Variants in SCFD2 observed in about 807,000 individuals in gnomAD.
SCFD2 encodes the protein sec1 family domain-containing protein 2.
SCFD2 carries 54 observed loss-of-function variants against 58.9 expected under a neutral mutation model. The ratio of observed to expected loss-of-function variants is 0.92; its 90% CI spans 0.74 to 1.15. The LOEUF is 1.15. Among genes scored for constraint, SCFD2 ranks in the 50% most tolerant of loss-of-function variants. SCFD2 has a pLI of 0.00. For synonymous variants in SCFD2, 321 were observed against 335.9 expected (o/e 0.96, Z 0.49); for missense variants, 805 against 836.6 (o/e 0.96, Z 0.47).
intron 7 of SCFD2, among the ~76,000 whole-genome samples, chr4:52,904,975 A>G (rs1719311842): frequency 6.6e-6 from 1 of 152,242 alleles, no homozygotes; most frequent in Non-Finnish European, 1.5e-5. Flanking sequence ...TAGGACCTAC[A>G]TTCTAAGGCT....
At chr4:53,084,902 C>A (rs1401544561) in intron 5 of SCFD2, among the ~76,000 whole-genome samples, 1 of 152,100 alleles carries the variant, frequency 6.6e-6, no homozygotes, top group Non-Finnish European at 1.5e-5. Context: ...CAATAAAAGC[C>A]ATATATGCCA....
intron 5 of SCFD2, among the ~76,000 whole-genome samples, chr4:53,101,911 G>C (rs1357919165): frequency 6.6e-6 from 1 of 151,966 alleles, no homozygotes; most frequent in Non-Finnish European, 1.5e-5. Flanking sequence ...TACTACACAT[G>C]AATTTTCACA....
chr4:53,145,449 G>C lies in SCFD2; in HGVS notation c.1445C>G (p.Thr482Ser). The change falls in exon 5 of 9, where the codon ACT (threonine) becomes AGT (serine). Residue 482 changes from threonine (T) to serine (S), a missense_variant. This residue lies in a region of SCFD2 where 633 missense variants were observed against 646.8 expected (regional missense o/e 0.98). Coordinates refer to ENST00000401642, the MANE Select transcript of SCFD2 (RefSeq NM_152540.4). ...LILLIYIYSV[T>S]GELTVDKDLC... ...GTCTTTGTCTACCGTGAGCTCTCCA[G>C]TGACAGAATAAATATATATGAGAAG... The C allele has an allele frequency of 6.2e-7, 1 of 1,614,098 alleles. No individual in the cohort carries two copies.
intron 5 of SCFD2, among the ~76,000 whole-genome samples, chr4:52,972,310 G>C (rs971993639): frequency 5.9e-5 from 9 of 152,146 alleles, no homozygotes; most frequent in East Asian, 1.9e-4. Flanking sequence ...CAAAATAAAG[G>C]GATGGAGGAA....
At chr4:53,146,352 A>G (rs748582082) in intron 4 of SCFD2, among the ~76,000 whole-genome samples, 2 of 152,248 alleles carry the variant, frequency 1.3e-5, no homozygotes, top group Non-Finnish European at 2.9e-5. Flanking sequence ...TTTGGTGGAT[A>G]CAGAAATCCT....
chr4:52,873,832 C>G lies in SCFD2; in HGVS notation c.*137G>C. On this transcript the variant is annotated 3_prime_UTR_variant, in exon 9 of 9. Transcript: ENST00000401642. ...GCAAAGTACCTCACTGAGTAGGTATCAAGACCCTTCAGGCAGAATTCCATC... is the reference window on the plus strand; with the variant it reads ...GCAAAGTACCTCACTGAGTAGGTATGAAGACCCTTCAGGCAGAATTCCATC... 1 of 604,912 alleles carries G rather than the reference C, an allele frequency of 1.7e-6. No individual in the cohort carries two copies. The highest frequency in any genetic ancestry group is 2.9e-5 in the East Asian group (1 of 34,064). 37.5% of individuals were successfully genotyped at this position (604,912 alleles called of 1,614,324 possible). A position where few individuals can be genotyped will look rare whatever the true frequency, so the allele number is the denominator to read the frequency against.
chr4:53,247,319 C>A (rs1200194188), intron 4 of SCFD2, among the ~76,000 whole-genome samples: 1 of 152,134 alleles, frequency 6.6e-6, no homozygotes, highest in African/African-American at 2.4e-5. Context: ...TAAATTCGTT[C>A]ACGCAGTATG....
At chr4:52,895,439 G>C (rs1718982924) in intron 7 of SCFD2, among the ~76,000 whole-genome samples, 1 of 152,032 alleles carries the variant, frequency 6.6e-6, no homozygotes, top group Admixed American at 6.5e-5. Flanking sequence ...TTTTGCCTTT[G>C]TGATACTTTG....
In SCFD2 at chr4:53,203,875, T is replaced by C. The variant is rs1301181252; in HGVS notation, c.1312-58293A>G. On this transcript the variant is annotated intron_variant, in intron 4 of 8. Transcript: ENST00000401642. ...TCCATCCAGATCACTCAGCAGGAGG[T>C]TTCGTATCTGGAGAGAGTAAAATCA... 2.6e-5 allele frequency among the ~76,000 whole-genome samples: 4 copies of C among 152,158 alleles called. No homozygotes were observed. The East Asian group carries it at 7.7e-4, about 29-fold the overall frequency.
chr4:52,947,634 GA>G (rs1233548264), intron 5 of SCFD2, among the ~76,000 whole-genome samples: 1 of 151,988 alleles, frequency 6.6e-6, no homozygotes, highest in African/African-American at 2.4e-5. Flanking sequence ...TGCACATATG[GA>G]AACTTGATAT....
chr4:52,924,613 G>C (rs1719819529), intron 5 of SCFD2, among the ~76,000 whole-genome samples: 1 of 152,080 alleles, frequency 6.6e-6, no homozygotes, highest in African/African-American at 2.4e-5. Context: ...TAGGGATACT[G>C]GGCCAAAGGT....
intron 6 of SCFD2, among the ~76,000 whole-genome samples, chr4:52,908,794 G>A (rs1046934433): frequency 2.0e-5 from 3 of 152,000 alleles, no homozygotes; most frequent in Admixed American, 2.0e-4. Context: ...TCTTTCCCAG[G>A]GATAAGATGC....
At chr4:53,062,686 T>C (rs1723548859) in intron 5 of SCFD2, among the ~76,000 whole-genome samples, 1 of 152,174 alleles carries the variant, frequency 6.6e-6, no homozygotes, top group African/African-American at 2.4e-5. Flanking sequence ...TTCCTACCTG[T>C]GTAAATTTTT....
chr4:52,885,615 G>T, intron 8 of SCFD2, 132 bp downstream of exon 8: 1 of 1,033,934 alleles, frequency 9.7e-7, no homozygotes. Flanking sequence ...GCAGGAGGGA[G>T]GGAACAAAGC....
At chr4:52,944,540 A>C (rs1458499120) in intron 5 of SCFD2, among the ~76,000 whole-genome samples, 2 of 152,192 alleles carry the variant, frequency 1.3e-5, no homozygotes, top group Non-Finnish European at 2.9e-5. Context: ...CACTGTAAAG[A>C]GATAGATGTC....
intron 5 of SCFD2, among the ~76,000 whole-genome samples, chr4:53,040,760 T>C (rs1411257900): frequency 1.3e-5 from 2 of 152,206 alleles, no homozygotes; most frequent in Non-Finnish European, 2.9e-5. Context: ...ACTTCCAGCA[T>C]TGTCGATAAG....
intron 5 of SCFD2, among the ~76,000 whole-genome samples, chr4:53,063,312 TA>T: frequency 6.6e-6 from 1 of 152,256 alleles, no homozygotes; most frequent in Non-Finnish European, 1.5e-5. Flanking sequence ...GTTTTAATTT[TA>T]AAAACCCATA....
intron 5 of SCFD2, among the ~76,000 whole-genome samples, chr4:52,976,872 A>G (rs1488184013): frequency 6.6e-6 from 1 of 152,138 alleles, no homozygotes; most frequent in Non-Finnish European, 1.5e-5. Context: ...TCCTGGTTCC[A>G]CCATTTACTA....
intron 3 of SCFD2, among the ~76,000 whole-genome samples, chr4:53,305,520 G>T (rs1404452069): frequency 1.3e-5 from 2 of 152,098 alleles, no homozygotes; most frequent in South Asian, 2.1e-4. Flanking sequence ...TTTGTATGAA[G>T]TCAGACATTA....
Sources: gnomAD v4.1 joint callset for allele counts (sites outside exome capture counted in the v4.1 genomes callset) on GRCh38, gnomAD v4.1.1 for gene constraint, gnomAD v4.1.1 regional missense constraint, MANE v1.5 for transcripts, NCBI Gene and HGNC (gene_info 2026-07-23, HGNC 2026-07-21) for gene names.